Variants in PHLPP1 observed in about 807,000 individuals in gnomAD.
The protein encoded by PHLPP1 is PH domain and leucine rich repeat protein phosphatase 1.
Under a neutral mutation model 117.2 loss-of-function variants are expected in PHLPP1, and 42 were observed. That is an observed-to-expected ratio of 0.36 (90% confidence interval 0.28 to 0.46). The LOEUF (loss-of-function observed/expected upper bound fraction) is 0.46. Ranked by LOEUF, PHLPP1 falls within the 20% of genes least tolerant of loss-of-function variation. The pLI is 1.00. For synonymous variants in PHLPP1, 1,042 were observed against 970.7 expected (o/e 1.07, Z -1.37); for missense variants, 2,084 against 2,241.9 (o/e 0.93, Z 1.42).
intron 1 of PHLPP1, 77 bp from the exon 2 acceptor site, chr18:62,829,958 T>C (rs1914711309): frequency 1.0e-6 from 1 of 977,544 alleles, no homozygotes; most frequent in Non-Finnish European, 1.5e-6. Flanking sequence ...GTTGTCCAAT[T>C]CATATATCTG....
At chr18:62,885,375 A>T (rs990642958) in intron 4 of PHLPP1, among the ~76,000 whole-genome samples, 1 of 152,146 alleles carries the variant, frequency 6.6e-6, no homozygotes, top group Non-Finnish European at 1.5e-5. Context: ...AAAAACCTTT[A>T]TATTGGCCGG....
At position 62,979,489 on chromosome 18, in the gene PHLPP1, C is replaced by T. The variant is rs1196293894; in HGVS notation, c.*58C>T. The stretch of plus-strand genomic sequence containing the variant: ...ACAAAAGACTGAGTTGCAAGAGTCT[C>T]CCAGGCTCACATTAAACCAGGGGTT... On this transcript the variant is annotated 3_prime_UTR_variant, in exon 17 of 17. Transcript: ENST00000262719. 2.6e-6 allele frequency: 4 copies of T among 1,511,810 alleles called. No homozygotes were observed. The highest frequency in any genetic ancestry group is 1.4e-5 in the African/African-American group (1 of 72,032). 93.6% of individuals were successfully genotyped at this position (1,511,810 alleles called of 1,614,324 possible). A position where few individuals can be genotyped will look rare whatever the true frequency, so the allele number is the denominator to read the frequency against.
At chr18:62,718,768 A>G (rs2122042564) in intron 1 of PHLPP1, among the ~76,000 whole-genome samples, 3 of 152,346 alleles carry the variant, frequency 2.0e-5, no homozygotes, top group Middle Eastern at 6.8e-3. Flanking sequence ...CTTTAACTAC[A>G]TGGAAGGAAC....
chr18:62,963,455 T>C lies in PHLPP1; in HGVS notation c.3543T>C (p.Ala1181=), dbSNP rs376436950. The change falls in exon 14 of 17, where the codon GCT becomes GCC. Residue 1181 remains alanine, a synonymous_variant. Coordinates refer to ENST00000262719, the MANE Select transcript of PHLPP1 (RefSeq NM_194449.4). Reference sequence around the variant, plus strand: ...TATGGAGTCATGGTTACACTGAAGCTTCGGGGGTAAAAAACAAGTAAGTCA... The same window carrying C: ...TATGGAGTCATGGTTACACTGAAGCCTCGGGGGTAAAAAACAAGTAAGTCA... ...PAVWSHGYTE[A]SGVKNKLCVA... 1.6e-5 allele frequency: 25 copies of C among 1,611,174 alleles called. No homozygotes were observed. Among genetic ancestry groups the C allele is most frequent in the Non-Finnish European group, 2.0e-5 (24 of 1,178,402 alleles).
At chr18:62,944,981 A>G (rs995137880) in intron 11 of PHLPP1, 128 bp from the exon 12 acceptor site, 4 of 664,472 alleles carry the variant, frequency 6.0e-6, no homozygotes, top group African/African-American at 3.8e-5. Context: ...AATGATAGTG[A>G]AAAAATGGTC....
chr18:62,775,656 C>CT (rs1912930345), intron 1 of PHLPP1, among the ~76,000 whole-genome samples: 1 of 152,184 alleles, frequency 6.6e-6, no homozygotes, highest in South Asian at 2.1e-4. Flanking sequence ...ACTAATGACA[C>CT]TATCATTCAC....
At chr18:62,922,750 T>C (rs2144429051) in intron 10 of PHLPP1, among the ~76,000 whole-genome samples, 1 of 152,336 alleles carries the variant, frequency 6.6e-6, no homozygotes, top group East Asian at 1.9e-4. Context: ...TAATCATTCT[T>C]TATTCATTCC....
At chr18:62,867,156 C>T (rs1915790478) in intron 4 of PHLPP1, among the ~76,000 whole-genome samples, 1 of 152,166 alleles carries the variant, frequency 6.6e-6, no homozygotes, top group South Asian at 2.1e-4. Flanking sequence ...AAGCTCCAGC[C>T]CATCCCTACA....
intron 12 of PHLPP1, among the ~76,000 whole-genome samples, chr18:62,945,648 G>A (rs1910261440): frequency 6.6e-6 from 1 of 152,102 alleles, no homozygotes; most frequent in Non-Finnish European, 1.5e-5. Context: ...AAGGTTAACA[G>A]TACCACTACA....
rs1328071178 is a variant in PHLPP1 at position 62,873,038 on chromosome 18, C to T, written c.2066+12437C>T. On this transcript the variant is annotated intron_variant, in intron 4 of 16. Coordinates refer to ENST00000262719, the MANE Select transcript of PHLPP1 (RefSeq NM_194449.4). ...GGGGAGGTCAGAGCACTCCTTTTTA[C>T]ACCTGCTGTTTTTCAAGTGCGTTTG... Among the ~76,000 whole-genome samples the T allele has an allele frequency of 9.5e-5, 14 of 146,726 alleles. No individual in the cohort carries two copies. The South Asian group carries it at 2.6e-3, about 27-fold the overall frequency.
intron 7 of PHLPP1, 42 bp from the exon 8 acceptor site, chr18:62,905,182 T>G: frequency 1.6e-6 from 2 of 1,281,548 alleles, no homozygotes; most frequent in Non-Finnish European, 2.1e-6. Flanking sequence ...CTATGTCATT[T>G]GTATAGTAAT....
chr18:62,894,993 T>G lies in PHLPP1; in HGVS notation c.2067-18T>G. On this transcript the variant is annotated intron_variant, in intron 4 of 16. Coordinates refer to ENST00000262719, the MANE Select transcript of PHLPP1 (RefSeq NM_194449.4). ...CATTTGTCTCTTTTTTCCCTTTTGT[T>G]TTGCTTTATTGTAATAGGTTCACCA... is the stretch of plus-strand genomic sequence containing the variant. The G allele has an allele frequency of 6.4e-7, 1 of 1,572,262 alleles. No individual in the cohort carries two copies. Among genetic ancestry groups the G allele is most frequent in the Non-Finnish European group, 8.7e-7 (1 of 1,152,886 alleles).
intron 2 of PHLPP1, among the ~76,000 whole-genome samples, chr18:62,836,206 C>T (rs899524726): frequency 3.3e-5 from 5 of 150,888 alleles, no homozygotes; most frequent in South Asian, 2.1e-4. Context: ...GAGGCTGAGG[C>T]GGGTTGATCA....
intron 1 of PHLPP1, among the ~76,000 whole-genome samples, chr18:62,724,150 A>T (rs1351337049): frequency 1.3e-5 from 2 of 152,174 alleles, no homozygotes; most frequent in African/African-American, 4.8e-5. Context: ...GTTCCCTGTC[A>T]TTCCTACTCC....
intron 14 of PHLPP1, among the ~76,000 whole-genome samples, chr18:62,969,884 C>T (rs961650114): frequency 1.3e-5 from 2 of 152,100 alleles, no homozygotes; most frequent in Non-Finnish European, 2.9e-5. Context: ...TTATAGGCGG[C>T]ATATAATTAG....
rs556707022 is a variant in PHLPP1, at chr18:62,905,215, T to C, written c.2648-9T>C. 17 of 1,495,318 alleles carry C rather than the reference T, an allele frequency of 1.1e-5. No individual in the cohort carries two copies. In the African/African-American group the frequency reaches 1.4e-4, roughly 13 times the overall value. 92.6% of individuals were successfully genotyped at this position (1,495,318 alleles called of 1,614,324 possible). A position where few individuals can be genotyped will look rare whatever the true frequency, so the allele number is the denominator to read the frequency against. On this transcript the variant is annotated splice_polypyrimidine_tract_variant and intron_variant, in intron 7 of 16. Coordinates refer to ENST00000262719, the MANE Select transcript of PHLPP1 (RefSeq NM_194449.4). ...AATGTCTTTGTGGGGTTTTTTTTTT[T>C]CTTCCTAGAACTTGTTCAACTTGAT...
intron 12 of PHLPP1, among the ~76,000 whole-genome samples, chr18:62,953,070 A>G (rs1230347068): frequency 1.3e-5 from 2 of 152,250 alleles, no homozygotes; most frequent in South Asian, 2.1e-4. Context: ...TTAGCCTTTT[A>G]TAACACCAGG....
In PHLPP1 at chr18:62,941,902, C is replaced by T; in HGVS notation, c.3145C>T (p.Gln1049Ter). 6.2e-7 allele frequency: 1 copy of T among 1,613,466 alleles called. No individual in the cohort carries two copies. Among genetic ancestry groups the T allele is most frequent in the Non-Finnish European group, 8.5e-7 (1 of 1,179,476 alleles). Residue 1049 changes from glutamine to a stop codon, truncating the protein, a stop_gained, in exon 11 of 17, where the codon CAG becomes TAG. Coordinates refer to ENST00000262719, the MANE Select transcript of PHLPP1 (RefSeq NM_194449.4). LOFTEE classifies it high-confidence loss of function. Reference protein sequence around the residue: ...KILHMAYNRLQSFPASKMAKL... With the variant: ...KILHMAYNRL ...CCTTCACATGGCCTATAACCGACTT[C>T]AGAGTTTTCCAGCAAGGTAAAGGAC...
chr18:62,783,745 A>G (rs533513950), intron 1 of PHLPP1, among the ~76,000 whole-genome samples: 3 of 152,076 alleles, frequency 2.0e-5, no homozygotes, highest in South Asian at 2.1e-4. Context: ...ATACAGCCTA[A>G]TAACTTGTGC....
Sources: allele counts gnomAD v4.1 joint callset (sites outside exome capture counted in the v4.1 genomes callset), GRCh38; gene constraint gnomAD v4.1.1; transcripts MANE v1.5; gene names NCBI Gene and HGNC (gene_info 2026-07-23, HGNC 2026-07-21).